Variants in TARS2 observed in about 807,000 individuals in gnomAD.
TARS2 encodes the protein threonine--tRNA ligase, mitochondrial.
In TARS2, 61 loss-of-function variants were observed where a neutral mutation model predicts 94.4. That is an observed-to-expected ratio of 0.65 (90% confidence interval 0.53 to 0.80). The LOEUF (loss-of-function observed/expected upper bound fraction) is 0.80, where lower values mean the gene tolerates loss of function less well. Among genes scored for constraint, TARS2 ranks in the 30% least tolerant of loss-of-function variants. The probability of loss-of-function intolerance (pLI) is 0.00; values close to 1 mark genes in which losing one functional copy is unlikely to be tolerated. For synonymous variants in TARS2, 359 were observed against 353.4 expected (o/e 1.02, Z -0.18); for missense variants, 704 against 902.5 (o/e 0.78, Z 2.82).
chr1:150,504,851 C>A, intron 15 of TARS2, 55 bp from the exon 16 acceptor site: 1 of 1,609,546 alleles, frequency 6.2e-7, no homozygotes, highest in Non-Finnish European at 8.5e-7. Flanking sequence ...TACAAGCACA[C>A]TTCTGGCCAG....
At chr1:150,497,775 G>A in intron 10 of TARS2, 28 bp downstream of exon 10, 1 of 1,601,794 alleles carries the variant, frequency 6.2e-7, no homozygotes, top group Non-Finnish European at 8.5e-7. Context: ...GTTACAATCA[G>A]GTTGCTAAAT....
chr1:150,489,564 A>C (rs899923660), intron 3 of TARS2, among the ~76,000 whole-genome samples: 2 of 152,182 alleles, frequency 1.3e-5, no homozygotes, highest in Non-Finnish European at 2.9e-5. Flanking sequence ...TCCAAGAGGA[A>C]TATATCGCAC....
At chr1:150,489,845 GGCAGGAGAATT>G (rs2102474467) in intron 3 of TARS2, among the ~76,000 whole-genome samples, 1 of 152,232 alleles carries the variant, frequency 6.6e-6, no homozygotes, top group African/African-American at 2.4e-5. Context: ...GAGAGGCTGA[GGCAGGAGAATT>G]GCTTGAACCC....
In TARS2 at chr1:150,496,620, A is replaced by T; in HGVS notation, c.913A>T (p.Ile305Phe). The T allele has an allele frequency of 6.2e-7, 1 of 1,613,462 alleles. No individual in the cohort carries two copies. The highest frequency in any genetic ancestry group is 2.2e-5 in the East Asian group (1 of 44,874). The change falls in exon 8 of 18, where the codon ATT becomes TTT. Residue 305 changes from isoleucine to phenylalanine, a missense_variant. By Grantham distance (21) the Ile-to-Phe change is conservative. Coordinates refer to ENST00000369064, the MANE Select transcript of TARS2 (RefSeq NM_025150.5). ...AGCAGAATTGCGGGACCACCGGCGC[A>T]TTGGGAAGGTACAGGAATTGGGAAG... is the stretch of plus-strand genomic sequence containing the variant. ...EEAELRDHRR[I>F]GKEQELFFFH...
In TARS2 at chr1:150,504,730, A is replaced by C. The variant is rs116377072; in HGVS notation, c.1817A>C (p.Lys606Thr). 2.5e-6 allele frequency: 4 copies of C among 1,614,008 alleles called. No homozygotes were observed. The highest frequency in any genetic ancestry group is 1.1e-5 in the South Asian group (1 of 91,080). ...LGVLAESCGGKWPLWLSPFQV... is the reference protein window; with the variant it reads ...LGVLAESCGGTWPLWLSPFQV... Reference sequence around the variant, plus strand: ...GTGCTGGCAGAAAGCTGCGGGGGGAAATGGTGAGACCTCTGACCTGGATTT... The same window carrying C: ...GTGCTGGCAGAAAGCTGCGGGGGGACATGGTGAGACCTCTGACCTGGATTT... Residue 606 changes from lysine to threonine, a missense_variant, in exon 15 of 18, where the codon AAA becomes ACA. Lys to Thr is a moderately conservative substitution (Grantham distance 78, BLOSUM62 -1). Coordinates refer to ENST00000369064, the MANE Select transcript of TARS2 (RefSeq NM_025150.5).
At chr1:150,489,547 G>A (rs1560243581) in intron 3 of TARS2, among the ~76,000 whole-genome samples, 1 of 152,080 alleles carries the variant, frequency 6.6e-6, no homozygotes, top group Non-Finnish European at 1.5e-5. Flanking sequence ...TGTAAATAGT[G>A]ACCAAATCCA....
intron 10 of TARS2, among the ~76,000 whole-genome samples, chr1:150,498,231 A>C (rs1044163551): frequency 6.6e-6 from 1 of 152,124 alleles, no homozygotes; most frequent in South Asian, 2.1e-4. Context: ...TAAAGTTGCT[A>C]TCTAAGGCTC....
rs1670265594 is a variant in TARS2, at chr1:150,507,126, C to A, written c.*62C>A. On this transcript the variant is annotated 3_prime_UTR_variant, in exon 18 of 18. Transcript: ENST00000369064. The stretch of plus-strand genomic sequence containing the variant: ...CCATCAGCCTCCCTCACATGGGAGA[C>A]CCCAACCCAGCTGACAATGTGGAGC... 1 of 1,597,702 alleles carries A rather than the reference C, an allele frequency of 6.3e-7. No individual in the cohort carries two copies. The highest frequency in any genetic ancestry group is 1.7e-5 in the Admixed American group (1 of 58,658).
intron 9 of TARS2, 48 bp from the exon 10 acceptor site, chr1:150,497,482 T>C (rs1669714677): frequency 6.3e-7 from 1 of 1,586,022 alleles, no homozygotes; most frequent in Non-Finnish European, 8.6e-7. Flanking sequence ...CCCTACCTGC[T>C]TTCCTTCCAG....
At chr1:150,496,942 A>G (rs1186558408) in intron 9 of TARS2, 34 bp downstream of exon 9, 4 of 1,600,198 alleles carry the variant, frequency 2.5e-6, no homozygotes, top group South Asian at 1.1e-5. Flanking sequence ...AAAGAAGACC[A>G]GGGAGGGGCT....
At chr1:150,501,380 C>T (rs918892906) in intron 13 of TARS2, among the ~76,000 whole-genome samples, 3 of 131,134 alleles carry the variant, frequency 2.3e-5, no homozygotes, top group Non-Finnish European at 4.7e-5. Flanking sequence ...TGCAGTGGCT[C>T]GATCTCGGCT....
chr1:150,505,770 C>A, intron 17 of TARS2, 65 bp downstream of exon 17: 1 of 1,505,250 alleles, frequency 6.6e-7, no homozygotes, highest in Non-Finnish European at 9.2e-7. Flanking sequence ...TTAAGTTTAC[C>A]AAGTCTGGTA....
chr1:150,488,637 C>T (rs1394044750), intron 2 of TARS2: 1 of 227,562 alleles, frequency 4.4e-6, no homozygotes, highest in Non-Finnish European at 8.7e-6. Flanking sequence ...TTACCCCAAA[C>T]ATTTATCATT....
rs774833450 is a variant in TARS2 at position 150,507,545 on chromosome 1, C to T, written c.*481C>T. On this transcript the variant is annotated 3_prime_UTR_variant, in exon 18 of 18. Transcript: ENST00000369064. ...GATTGCGCCACTGCACCCCCCTAGG[C>T]GACAGAGCGAGACTCTGTCTCTAAA... is the stretch of plus-strand genomic sequence containing the variant. 5 of 155,670 alleles carry T rather than the reference C, an allele frequency of 3.2e-5. No individual in the cohort carries two copies. The highest frequency in any genetic ancestry group is 2.5e-4 in the Admixed American group (4 of 15,828). The allele number at this position is 155,670 out of a possible 1,614,324, so 9.6% of individuals were successfully genotyped here. A position where few individuals can be genotyped will look rare whatever the true frequency, so the allele number is the denominator to read the frequency against.
intron 2 of TARS2, chr1:150,488,560 G>T (rs1669248907): frequency 5.7e-6 from 1 of 176,386 alleles, no homozygotes. Flanking sequence ...ATATGAATGG[G>T]TATATGTGAT....
chr1:150,504,923 C>T lies in TARS2; in HGVS notation c.1838C>T (p.Pro613Leu), dbSNP rs767519084. The T allele has an allele frequency of 9.3e-6, 15 of 1,614,088 alleles. No homozygotes were observed. The highest frequency in any genetic ancestry group is 3.3e-5 in the South Asian group (3 of 91,082). The change falls in exon 16 of 18, where the codon CCG becomes CTG. Residue 613 changes from proline (P) to leucine (L), a missense_variant. Coordinates refer to ENST00000369064, the MANE Select transcript of TARS2 (RefSeq NM_025150.5). ...CGGKWPLWLSPFQVVVIPVGS... is the reference protein window; with the variant it reads ...CGGKWPLWLSLFQVVVIPVGS... ...CCTACCAGGCCACTGTGGCTGTCCCCGTTCCAGGTGGTGGTCATCCCTGTG... is the reference window on the plus strand; with the variant it reads ...CCTACCAGGCCACTGTGGCTGTCCCTGTTCCAGGTGGTGGTCATCCCTGTG...
intron 3 of TARS2, among the ~76,000 whole-genome samples, chr1:150,489,810 T>C (rs746855204): frequency 2.0e-5 from 3 of 152,066 alleles, no homozygotes; most frequent in South Asian, 4.1e-4. Context: ...GGCGTGGTGG[T>C]GAGCACTTGT....
chr1:150,490,013 A>G (rs1309222569), intron 3 of TARS2, among the ~76,000 whole-genome samples: 12 of 151,468 alleles, frequency 7.9e-5, no homozygotes, highest in African/African-American at 2.9e-4. Context: ...TCCAGCTTCT[A>G]TGCTTTGGAA....
Position 150,491,505 on chromosome 1 carries a change from G to T in TARS2, c.624G>T (p.Leu208Phe). 1 of 1,614,180 alleles carries T rather than the reference G, an allele frequency of 6.2e-7. No homozygotes were observed. Among genetic ancestry groups the T allele is most frequent in the Non-Finnish European group, 8.5e-7 (1 of 1,180,008 alleles). Residue 208 changes from leucine to phenylalanine, a missense_variant, in exon 5 of 18, where the codon TTG (leucine) becomes TTT (phenylalanine). By Grantham distance (22) the Leu-to-Phe change is conservative. Coordinates refer to ENST00000369064, the MANE Select transcript of TARS2 (RefSeq NM_025150.5). ...CTTCACGGGATCAGCTTCGCCAGTT[G>T]TTCAAGGTGGGGTGGAGGGAAGAGG... The part of the protein sequence containing the change: ...LEASRDQLRQ[L>F]FKDNPFKLHL...
Sources: allele counts gnomAD v4.1 joint callset (sites outside exome capture counted in the v4.1 genomes callset), GRCh38; gene constraint gnomAD v4.1.1; transcripts MANE v1.5; gene names NCBI Gene and HGNC (gene_info 2026-07-23, HGNC 2026-07-21).